Variants in ARHGAP24 observed in about 807,000 individuals in gnomAD.
ARHGAP24 encodes rho GTPase-activating protein 24.
ARHGAP24 carries 50 observed loss-of-function variants against 76.4 expected under a neutral mutation model. The observed-to-expected ratio is 0.65, with a 90% CI of 0.52 to 0.83. The LOEUF is 0.83. Among genes scored for constraint, ARHGAP24 ranks in the 40% least tolerant of loss-of-function variants. The pLI, the probability that ARHGAP24 is intolerant of heterozygous loss-of-function variation, is 0.00. For missense variants in ARHGAP24, 930 were observed against 914.2 expected, an observed-to-expected ratio of 1.02 and a Z score of -0.22; for synonymous variants, 345 against 323.3, an observed-to-expected ratio of 1.07 and a Z score of -0.72.
At chr4:85,894,109 A>AG (rs1034619728) in intron 3 of ARHGAP24, among the ~76,000 whole-genome samples, 2 of 151,138 alleles carry the variant, frequency 1.3e-5, no homozygotes, top group African/African-American at 4.9e-5. Flanking sequence ...TAAAAAAAAA[A>AG]AAAAAAAGAT....
intron 3 of ARHGAP24, among the ~76,000 whole-genome samples, chr4:85,769,791 G>A (rs1450901316): frequency 6.6e-6 from 1 of 152,064 alleles, no homozygotes; most frequent in East Asian, 1.9e-4. Flanking sequence ...GTTTCACCAT[G>A]TTAGCCAGGC....
intron 2 of ARHGAP24, among the ~76,000 whole-genome samples, chr4:85,716,540 C>T (rs539710870): frequency 5.3e-5 from 8 of 152,178 alleles, no homozygotes; most frequent in Non-Finnish European, 4.4e-5. Flanking sequence ...GTACTTGAGC[C>T]TCTTCTCTCT....
At chr4:85,938,223 GA>G (rs1173781721) in intron 4 of ARHGAP24, among the ~76,000 whole-genome samples, 1 of 152,176 alleles carries the variant, frequency 6.6e-6, no homozygotes, top group Non-Finnish European at 1.5e-5. Context: ...CTTTCACAGG[GA>G]GGGGAGGTAG....
chr4:85,745,202 G>A (rs1467557250), intron 3 of ARHGAP24, among the ~76,000 whole-genome samples: 1 of 151,720 alleles, frequency 6.6e-6, no homozygotes, highest in African/African-American at 2.4e-5. Flanking sequence ...ACTTCAAGAG[G>A]CCGTGGCAGG....
chr4:85,589,476 A>G (rs2109978965), intron 2 of ARHGAP24, among the ~76,000 whole-genome samples: 1 of 152,344 alleles, frequency 6.6e-6, no homozygotes, highest in African/African-American at 2.4e-5. Context: ...GACTAGGGAC[A>G]GGAATTTTTA....
intron 1 of ARHGAP24, among the ~76,000 whole-genome samples, chr4:85,478,279 G>T (rs1722680418): frequency 6.6e-6 from 1 of 152,204 alleles, no homozygotes; most frequent in Admixed American, 6.5e-5. Flanking sequence ...AAATACAGTT[G>T]TTAAATGGTC....
intron 3 of ARHGAP24, among the ~76,000 whole-genome samples, chr4:85,784,905 C>CTCTATCTA (rs59888935): frequency 2.0e-4 from 29 of 147,772 alleles, no homozygotes; most frequent in African/African-American, 3.3e-4. Flanking sequence ...GATTATATAT[C>CTCTATCTA]TCTATCTATC....
chr4:85,755,781 C>T (rs570629760), intron 3 of ARHGAP24, among the ~76,000 whole-genome samples: 6 of 151,722 alleles, frequency 4.0e-5, no homozygotes, highest in East Asian at 1.9e-4. Context: ...TACAGGCGCC[C>T]GCCACTACGT....
intron 3 of ARHGAP24, among the ~76,000 whole-genome samples, chr4:85,788,012 C>A (rs529406575): frequency 5.1e-4 from 78 of 152,228 alleles, no homozygotes; most frequent in Non-Finnish European, 9.4e-4. Flanking sequence ...ACCCCATGCC[C>A]TAAATGCAGC....
rs1190172484 is a variant in ARHGAP24 at position 85,733,057 on chromosome 4, CA to C, written c.268+11087del. Among the ~76,000 whole-genome samples, 12 of 15,130 alleles carry C rather than the reference CA, an allele frequency of 7.9e-4. 1 individual carries two copies. In the South Asian group the frequency reaches 0.02, roughly 26 times the overall value. 9.9% of individuals were successfully genotyped at this position (15,130 alleles called of 152,430 possible). A position where few individuals can be genotyped will look rare whatever the true frequency, so the allele number is the denominator to read the frequency against. On this transcript the variant is annotated intron_variant, in intron 3 of 9. Transcript: ENST00000395184. ...CAGCTATAGATCTTATAGGCCTCAC[CA>C]ACTTTTTTTTTTTTTTTTTTTTTGA...
intron 2 of ARHGAP24, among the ~76,000 whole-genome samples, chr4:85,643,234 G>GTGGTTTTT (rs1721592505): frequency 1.8e-5 from 1 of 54,610 alleles, no homozygotes; most frequent in African/African-American, 5.9e-5. Context: ...GTTTTTTTGT[G>GTGGTTTTT]TTTTTTTTTT....
At chr4:85,628,486 G>A (rs1236875302) in intron 2 of ARHGAP24, among the ~76,000 whole-genome samples, 2 of 152,116 alleles carry the variant, frequency 1.3e-5, no homozygotes, top group African/African-American at 2.4e-5. Flanking sequence ...CTGTTGGATG[G>A]GATATTCTGT....
intron 3 of ARHGAP24, among the ~76,000 whole-genome samples, chr4:85,738,121 A>T (rs1725670939): frequency 6.6e-6 from 1 of 151,990 alleles, no homozygotes; most frequent in Non-Finnish European, 1.5e-5. Context: ...GAGTTTCACC[A>T]TGTTGGCCAG....
At chr4:85,729,474 C>T (rs1340003548) in intron 3 of ARHGAP24, among the ~76,000 whole-genome samples, 1 of 152,192 alleles carries the variant, frequency 6.6e-6, no homozygotes, top group Non-Finnish European at 1.5e-5. Flanking sequence ...AATGTCATTT[C>T]AACCAACATA....
chr4:85,721,826 G>T (rs1055688403), intron 2 of ARHGAP24, 59 bp from the exon 3 acceptor site: 3 of 1,396,472 alleles, frequency 2.1e-6, no homozygotes. Context: ...TGATTATAAT[G>T]ATGATATATG....
chr4:85,922,917 T>C (rs183245320), intron 3 of ARHGAP24, among the ~76,000 whole-genome samples: 1 of 152,304 alleles, frequency 6.6e-6, no homozygotes, highest in East Asian at 1.9e-4. Context: ...AATTGTTCTT[T>C]GGGGAAAAAT....
intron 3 of ARHGAP24, among the ~76,000 whole-genome samples, chr4:85,886,862 A>G (rs946140640): frequency 2.6e-5 from 4 of 152,148 alleles, no homozygotes; most frequent in African/African-American, 9.6e-5. Context: ...GATGACTCAC[A>G]TGGGCAATGT....
chr4:85,779,804 G>A lies in ARHGAP24; in HGVS notation c.268+57832G>A, dbSNP rs149335247. 5.0e-3 allele frequency among the ~76,000 whole-genome samples: 757 copies of A among 152,212 alleles called. 5 individuals carry two copies. The highest frequency in any genetic ancestry group is 7.4e-3 in the Non-Finnish European group (500 of 68,016). On this transcript the variant is annotated intron_variant, in intron 3 of 9. Coordinates refer to ENST00000395184, the MANE Select transcript of ARHGAP24 (RefSeq NM_001025616.3). ...GCATTCCAGGTGTCACTCTTTCCCC[G>A]AGGCCCTGGCTAGCTGGTATATAAT...
chr4:85,872,710 G>A (rs10034094), intron 3 of ARHGAP24, among the ~76,000 whole-genome samples: 70,213 of 147,134 alleles, frequency 0.48, 17,935 homozygotes, highest in East Asian at 0.86. Flanking sequence ...CAATTCTTAC[G>A]CCTCAGCCAC....
Sources: gnomAD v4.1 joint callset for allele counts (sites outside exome capture counted in the v4.1 genomes callset) on GRCh38, gnomAD v4.1.1 for gene constraint, MANE v1.5 for transcripts, NCBI Gene and HGNC (gene_info 2026-07-23, HGNC 2026-07-21) for gene names.